Variants in AZIN1 observed in about 807,000 individuals in gnomAD.
AZIN1 encodes antizyme inhibitor 1.
AZIN1 carries 12 observed loss-of-function variants against 47.4 expected under a neutral mutation model. The observed-to-expected ratio is 0.25, with a 90% CI of 0.16 to 0.41. The LOEUF (loss-of-function observed/expected upper bound fraction) is 0.41, where lower values mean the gene tolerates loss of function less well. Ranked by LOEUF, AZIN1 falls within the 10% of genes least tolerant of loss-of-function variation. The pLI, the probability that AZIN1 is intolerant of heterozygous loss-of-function variation, is 1.00. For synonymous variants in AZIN1, 155 were observed against 176.3 expected (o/e 0.88, Z 0.96); for missense variants, 410 against 532.4 (o/e 0.77, Z 2.26).
chr8:102,853,545 T>C (rs1020595164), intron 2 of AZIN1, among the ~76,000 whole-genome samples: 2 of 152,216 alleles, frequency 1.3e-5, no homozygotes, highest in African/African-American at 4.8e-5. Flanking sequence ...TTCCAATCTT[T>C]TTGACCTTCC....
At chr8:102,852,636 A>G (rs778721010) in intron 2 of AZIN1, among the ~76,000 whole-genome samples, 2 of 152,200 alleles carry the variant, frequency 1.3e-5, no homozygotes, top group African/African-American at 2.4e-5. Flanking sequence ...GGCATGCACA[A>G]CGTGGCTGGA....
intron 5 of AZIN1, 133 bp from the exon 6 acceptor site, chr8:102,836,523 A>C: frequency 1.0e-6 from 1 of 957,444 alleles, no homozygotes; most frequent in Non-Finnish European, 1.6e-6. Context: ...GAATCAAGTG[A>C]ACCTAATGAA....
intron 2 of AZIN1, among the ~76,000 whole-genome samples, chr8:102,850,466 T>A (rs1384300917): frequency 1.3e-5 from 2 of 152,102 alleles, no homozygotes; most frequent in South Asian, 4.1e-4. Context: ...TTAAAAGTAA[T>A]TGACCAGAAG....
chr8:102,846,828 T>C (rs1397502737), intron 2 of AZIN1, among the ~76,000 whole-genome samples: 1 of 152,176 alleles, frequency 6.6e-6, no homozygotes, highest in East Asian at 1.9e-4. Context: ...ATGATGTCCC[T>C]TTTGCAGCAA....
chr8:102,836,529 A>G, intron 5 of AZIN1, 139 bp from the exon 6 acceptor site: 1 of 878,514 alleles, frequency 1.1e-6, no homozygotes, highest in Admixed American at 2.5e-5. Context: ...AGTGAACCTA[A>G]TGAAAAACAA....
At chr8:102,851,786 A>G (rs1812934564) in intron 2 of AZIN1, among the ~76,000 whole-genome samples, 1 of 152,166 alleles carries the variant, frequency 6.6e-6, no homozygotes, top group African/African-American at 2.4e-5. Flanking sequence ...TTCTCTAATC[A>G]TCATTCCTTT....
At chr8:102,842,285 T>C (rs994595330) in intron 3 of AZIN1, among the ~76,000 whole-genome samples, 8 of 152,072 alleles carry the variant, frequency 5.3e-5, no homozygotes, top group African/African-American at 1.7e-4. Flanking sequence ...AGAATACAAC[T>C]GAGACCAGGC....
At chr8:102,862,569 T>G (rs1056224274) in intron 1 of AZIN1, among the ~76,000 whole-genome samples, 5 of 152,172 alleles carry the variant, frequency 3.3e-5, no homozygotes, top group African/African-American at 9.7e-5. Flanking sequence ...ATGAGGGCCT[T>G]TCTAGACAAT....
intron 2 of AZIN1, among the ~76,000 whole-genome samples, chr8:102,851,501 T>C (rs781313813): frequency 1.3e-5 from 2 of 151,866 alleles, no homozygotes; most frequent in Non-Finnish European, 2.9e-5. Context: ...AGATCAGGAG[T>C]TCCAGACCAG....
At position 102,826,644 on chromosome 8, in the gene AZIN1, T is replaced by C. The variant is rs3203444; in HGVS notation, c.*1923A>G. ...ATGTGATATTTGCAACTCTGAGCTA[T>C]TTCTTATAGAACAGCTCTCCTGCAG... On this transcript the variant is annotated 3_prime_UTR_variant, in exon 12 of 12. Coordinates refer to ENST00000337198, the MANE Select transcript of AZIN1 (RefSeq NM_148174.4). 0.015 allele frequency: 2,325 copies of C among 152,756 alleles called. 31 individuals are homozygous for C. Among genetic ancestry groups the C allele is most frequent in the Non-Finnish European group, 0.02 (1,385 of 68,038 alleles). 9.5% of individuals were successfully genotyped at this position (152,756 alleles called of 1,614,324 possible).
chr8:102,849,649 C>G (rs1368283588), intron 2 of AZIN1, among the ~76,000 whole-genome samples: 1 of 152,180 alleles, frequency 6.6e-6, no homozygotes, highest in Non-Finnish European at 1.5e-5. Flanking sequence ...TCTCTACTCA[C>G]AAGCACTTTT....
At chr8:102,833,597 TG>T (rs1341227921) in intron 8 of AZIN1, among the ~76,000 whole-genome samples, 1 of 151,888 alleles carries the variant, frequency 6.6e-6, no homozygotes, top group Non-Finnish European at 1.5e-5. Context: ...AGGTGTGACG[TG>T]TATCTGGCCT....
intron 2 of AZIN1, among the ~76,000 whole-genome samples, chr8:102,852,167 A>C (rs2131266410): frequency 6.6e-6 from 1 of 152,308 alleles, no homozygotes; most frequent in East Asian, 1.9e-4. Context: ...TTCATGCTGA[A>C]CCTACATGAG....
chr8:102,839,284 G>A (rs1438904762), intron 4 of AZIN1, among the ~76,000 whole-genome samples: 2 of 152,206 alleles, frequency 1.3e-5, no homozygotes, highest in Non-Finnish European at 2.9e-5. Context: ...AAAGTGGTGG[G>A]ATTACAGGTG....
intron 2 of AZIN1, among the ~76,000 whole-genome samples, chr8:102,850,462 GTAATTGACCAGAAGAGCACTA>G (rs2131261908): frequency 6.6e-6 from 1 of 152,236 alleles, no homozygotes; most frequent in South Asian, 2.1e-4. Flanking sequence ...ACCTTTAAAA[GTAATTGACCAGAAGAGCACTA>G]GAAGCTTCTA....
rs542444070 is a variant in AZIN1, at chr8:102,834,065, A to G, written c.741+124T>C. 522 of 705,578 alleles carry G rather than the reference A, an allele frequency of 7.4e-4. 1 individual carries two copies. Among genetic ancestry groups the G allele is most frequent in the Admixed American group, 1.2e-3 (41 of 34,844 alleles). 43.7% of individuals were successfully genotyped at this position (705,578 alleles called of 1,614,324 possible). A position where few individuals can be genotyped will look rare whatever the true frequency, so the allele number is the denominator to read the frequency against. On this transcript the variant is annotated intron_variant, in intron 8 of 11. Transcript: ENST00000337198. The stretch of plus-strand genomic sequence containing the variant: ...AACTGCCTATTCCTTTTCTAAGAAC[A>G]TAATTTTAAAGAGATGTTATAGGGT...
intron 5 of AZIN1, 150 bp from the exon 6 acceptor site, chr8:102,836,540 T>A (rs1407169140): frequency 1.2e-6 from 1 of 803,072 alleles, no homozygotes; most frequent in Non-Finnish European, 2.0e-6. Context: ...TGAAAAACAA[T>A]CCTGTATAGA....
chr8:102,847,907 T>TA (rs1812674147), intron 2 of AZIN1, among the ~76,000 whole-genome samples: 1 of 152,188 alleles, frequency 6.6e-6, no homozygotes, highest in Non-Finnish European at 1.5e-5. Context: ...TTCACATTCT[T>TA]AAAAGAAGCC....
chr8:102,832,397 T>C (rs1811516967), intron 9 of AZIN1, among the ~76,000 whole-genome samples: 1 of 152,188 alleles, frequency 6.6e-6, no homozygotes, highest in South Asian at 2.1e-4. Context: ...AGTGCCTTTT[T>C]GTTGGTTTGA....
Sources: gnomAD v4.1 joint callset for allele counts (sites outside exome capture counted in the v4.1 genomes callset) on GRCh38, gnomAD v4.1.1 for gene constraint, MANE v1.5 for transcripts, NCBI Gene and HGNC (gene_info 2026-07-23, HGNC 2026-07-21) for gene names.